Variants in EXOC6 observed in about 807,000 individuals in gnomAD.
EXOC6 encodes the protein exocyst complex component 6.
A neutral mutation model predicts 112.5 loss-of-function variants in EXOC6; 60 were observed. That is an observed-to-expected ratio of 0.53 (90% CI 0.43 to 0.66). EXOC6 has a LOEUF of 0.66. Ranked by LOEUF, EXOC6 falls within the 30% of genes least tolerant of loss-of-function variation. The probability of loss-of-function intolerance (pLI) is 0.00; values close to 1 mark genes in which losing one functional copy is unlikely to be tolerated. For synonymous variants in EXOC6, 295 were observed against 308.0 expected, an observed-to-expected ratio of 0.96 and a Z score of 0.44; for missense variants, 855 against 957.1, an observed-to-expected ratio of 0.89 and a Z score of 1.41.
chr10:92,859,848 TGTGTGTGTG>T (rs1847821667), intron 1 of EXOC6, among the ~76,000 whole-genome samples: 1 of 151,500 alleles, frequency 6.6e-6, no homozygotes, highest in Non-Finnish European at 1.5e-5. Flanking sequence ...TGTGTGTGTG[TGTGTGTGTG>T]TGTGTTGGAG....
chr10:92,848,447 C>A, upstream of EXOC6: 4 of 1,025,768 alleles, frequency 3.9e-6, no homozygotes, highest in South Asian at 2.5e-5. Context: ...CGCCCCCGCC[C>A]CGCCCCTTCG....
chr10:92,947,549 A>G (rs1231513703), intron 13 of EXOC6, among the ~76,000 whole-genome samples: 1 of 152,224 alleles, frequency 6.6e-6, no homozygotes, highest in African/African-American at 2.4e-5. Flanking sequence ...GATCTTCAAG[A>G]GTTTATAATC....
intron 20 of EXOC6, among the ~76,000 whole-genome samples, chr10:93,037,763 T>C (rs1207693170): frequency 6.6e-6 from 1 of 150,420 alleles, no homozygotes; most frequent in Non-Finnish European, 1.5e-5. Context: ...AAGAAATATT[T>C]TTCTCGGGCC....
intron 12 of EXOC6, among the ~76,000 whole-genome samples, chr10:92,936,611 G>A (rs1392569375): frequency 1.3e-5 from 2 of 152,136 alleles, no homozygotes; most frequent in Non-Finnish European, 2.9e-5. Context: ...CAAAAAACAC[G>A]AAACAAACAA....
chr10:92,851,212 T>C (rs1847315315), intron 1 of EXOC6, among the ~76,000 whole-genome samples: 1 of 150,926 alleles, frequency 6.6e-6, no homozygotes, highest in Non-Finnish European at 1.5e-5. Context: ...TTCAGAAGAG[T>C]GGAAGAAAGG....
Position 92,956,970 on chromosome 10 carries a change from G to C in EXOC6, c.1773+1256G>C, listed in dbSNP as rs561382177. ...ATGTAAGTCAGGCTCTGAGCACTCT[G>C]TTTAGACTCTGAGAATACAAAAATG... On this transcript the variant is annotated intron_variant, in intron 17 of 21. Transcript: ENST00000260762. Among the ~76,000 whole-genome samples, 3 of 152,152 alleles carry C rather than the reference G, an allele frequency of 2.0e-5. No homozygotes were observed. In the East Asian group the frequency reaches 5.8e-4, roughly 29 times the overall value.
chr10:92,975,770 C>T (rs1213662012), intron 18 of EXOC6, among the ~76,000 whole-genome samples: 10 of 122,986 alleles, frequency 8.1e-5, no homozygotes, highest in African/African-American at 2.1e-4. Context: ...CCGGGCCAGC[C>T]GCCCCATCCG....
chr10:92,851,565 G>A (rs560278046), intron 1 of EXOC6, among the ~76,000 whole-genome samples: 4 of 152,096 alleles, frequency 2.6e-5, no homozygotes, highest in Non-Finnish European at 4.4e-5. Context: ...CAGGAGAATC[G>A]CTTGAATCCG....
At chr10:92,985,593 T>G (rs905214333) in intron 18 of EXOC6, among the ~76,000 whole-genome samples, 1 of 152,188 alleles carries the variant, frequency 6.6e-6, no homozygotes, top group Non-Finnish European at 1.5e-5. Flanking sequence ...CCTAGAAGAT[T>G]AGATCATCTC....
In EXOC6 at chr10:92,904,142, T is replaced by C. The variant is rs553472977; in HGVS notation, c.458+4498T>C. On this transcript the variant is annotated intron_variant, in intron 5 of 21. Coordinates refer to ENST00000260762, the MANE Select transcript of EXOC6 (RefSeq NM_019053.6). ...TGTCCTTTTGTGACTTGATAACTTA[T>C]TTCTTTTTTATCACTGAATAATACT... 3.1e-4 allele frequency among the ~76,000 whole-genome samples: 47 copies of C among 152,232 alleles called. 1 individual carries two copies. In the South Asian group the frequency reaches 9.5e-3, roughly 31 times the overall value.
intron 1 of EXOC6, among the ~76,000 whole-genome samples, chr10:92,879,438 G>C (rs61860838): frequency 0.011 from 1,740 of 152,258 alleles, 67 homozygotes; most frequent in Non-Finnish European, 9.0e-3. Context: ...CTGCACTCCA[G>C]CCTGGGAAAC....
chr10:92,993,977 T>G (rs144129625), intron 18 of EXOC6, among the ~76,000 whole-genome samples: 44 of 152,356 alleles, frequency 2.9e-4, no homozygotes, highest in African/African-American at 1.0e-3. Context: ...TGTCGCCTCA[T>G]GCTGTCTTTG....
At chr10:93,031,998 A>G (rs1366451748) in intron 20 of EXOC6, among the ~76,000 whole-genome samples, 3 of 152,202 alleles carry the variant, frequency 2.0e-5, no homozygotes, top group African/African-American at 4.8e-5. Flanking sequence ...TAGGCATTAC[A>G]CATTTGACCA....
intron 19 of EXOC6, among the ~76,000 whole-genome samples, chr10:93,011,840 AC>A (rs1470310681): frequency 6.6e-6 from 1 of 152,080 alleles, no homozygotes; most frequent in Non-Finnish European, 1.5e-5. Context: ...AAAGTATACC[AC>A]TTATTGTCTA....
chr10:92,918,997 GT>G, intron 7 of EXOC6, among the ~76,000 whole-genome samples: 1 of 151,998 alleles, frequency 6.6e-6, no homozygotes. Flanking sequence ...TTATTATTAG[GT>G]TTTTTGTCCC....
chr10:93,037,508 C>G (rs1564929573), intron 20 of EXOC6, among the ~76,000 whole-genome samples: 1 of 150,284 alleles, frequency 6.7e-6, no homozygotes, highest in Non-Finnish European at 1.5e-5. Context: ...GGTGTGATCT[C>G]AGTTCACTGC....
chr10:92,848,701 CG>C, intron 1 of EXOC6, 67 bp downstream of exon 1: 2 of 1,182,438 alleles, frequency 1.7e-6, no homozygotes, highest in South Asian at 2.3e-5. Context: ...ACGAGCCGGG[CG>C]GGGCGTCCGC....
At chr10:92,986,662 C>G (rs1238496103) in intron 18 of EXOC6, among the ~76,000 whole-genome samples, 1 of 144,310 alleles carries the variant, frequency 6.9e-6, no homozygotes, top group African/African-American at 2.6e-5. Flanking sequence ...ATCCACATAT[C>G]TGGGTAAATA....
intron 20 of EXOC6, among the ~76,000 whole-genome samples, chr10:93,032,130 A>C (rs575150013): frequency 1.2e-4 from 18 of 152,178 alleles, no homozygotes; most frequent in Non-Finnish European, 2.6e-4. Flanking sequence ...TAGATTGCAG[A>C]CTGGGTGTGG....
Sources: allele counts gnomAD v4.1 joint callset (sites outside exome capture counted in the v4.1 genomes callset), GRCh38; gene constraint gnomAD v4.1.1; transcripts MANE v1.5; gene names NCBI Gene and HGNC (gene_info 2026-07-23, HGNC 2026-07-21).